Variants in PLPP4 observed in about 807,000 individuals in gnomAD.
The protein encoded by PLPP4 is phospholipid phosphatase 4.
In PLPP4, 20 loss-of-function variants were observed where a neutral mutation model predicts 32.2. The ratio of observed to expected loss-of-function variants is 0.62; its 90% CI spans 0.44 to 0.90. PLPP4 has a LOEUF of 0.90. Among genes scored for constraint, PLPP4 ranks in the 40% least tolerant of loss-of-function variants. The pLI, the probability that PLPP4 is intolerant of heterozygous loss-of-function variation, is 0.00. For missense variants in PLPP4, 257 were observed against 353.1 expected, an observed-to-expected ratio of 0.73 and a Z score of 2.18; for synonymous variants, 127 against 133.0, an observed-to-expected ratio of 0.95 and a Z score of 0.31.
intron 4 of PLPP4, among the ~76,000 whole-genome samples, chr10:120,520,519 C>T (rs548532766): frequency 3.9e-4 from 60 of 152,286 alleles, no homozygotes; most frequent in Non-Finnish European, 6.5e-4. Flanking sequence ...AACAATAGAG[C>T]GGTAGATCAA....
intron 5 of PLPP4, among the ~76,000 whole-genome samples, chr10:120,523,152 A>T (rs1415365563): frequency 4.6e-5 from 7 of 152,144 alleles, no homozygotes. Flanking sequence ...ACACAAAAAA[A>T]TTAGCTGGAC....
chr10:120,558,171 A>T (rs1461093054), intron 5 of PLPP4, among the ~76,000 whole-genome samples: 2 of 151,650 alleles, frequency 1.3e-5, no homozygotes, highest in African/African-American at 4.8e-5. Context: ...TGTGGCCATT[A>T]TCTTGAGATT....
chr10:120,578,915 T>C (rs3981109), intron 6 of PLPP4, among the ~76,000 whole-genome samples: 149,989 of 152,364 alleles, frequency 0.98, 73,879 homozygotes, highest in East Asian at 1. Context: ...CAAACAGGCT[T>C]ATCTTTGTGA....
At chr10:120,563,777 G>GCA (rs1485966621) in intron 5 of PLPP4, among the ~76,000 whole-genome samples, 107 of 109,868 alleles carry the variant, frequency 9.7e-4, no homozygotes, top group Middle Eastern at 0.01. Context: ...TCCGCAGTCC[G>GCA]GCCTGGGCGA....
Position 120,477,320 on chromosome 10 carries a change from C to T in PLPP4, c.56+19959C>T, listed in dbSNP as rs183262444. 2.9e-3 allele frequency among the ~76,000 whole-genome samples: 434 copies of T among 148,332 alleles called. 1 individual carries two copies. Among genetic ancestry groups the T allele is most frequent in the Middle Eastern group, 0.01 (3 of 286 alleles). On this transcript the variant is annotated intron_variant, in intron 1 of 6. Coordinates refer to ENST00000398250, the MANE Select transcript of PLPP4 (RefSeq NM_001030059.3). ...CTGCCTGAGGCTTTTCTTTTTCCTTCTCAGAGAATCTAAAGGTATGTCGAA... is the reference window on the plus strand; with the variant it reads ...CTGCCTGAGGCTTTTCTTTTTCCTTTTCAGAGAATCTAAAGGTATGTCGAA...
chr10:120,505,101 G>A (rs555338380), intron 2 of PLPP4, among the ~76,000 whole-genome samples: 6 of 152,242 alleles, frequency 3.9e-5, no homozygotes, highest in Non-Finnish European at 7.3e-5. Context: ...ATTCCACCCA[G>A]CATCCCAGTG....
Position 120,545,523 on chromosome 10 carries a change from T to C in PLPP4, c.445+24428T>C, listed in dbSNP as rs534865282. On this transcript the variant is annotated intron_variant, in intron 5 of 6. Coordinates refer to ENST00000398250, the MANE Select transcript of PLPP4 (RefSeq NM_001030059.3). ...TTGGCTCTTTCTCCTTCTCTTTGTG[T>C]CCCTCCAGCATTTGGGAAGCTAGGG... Among the ~76,000 whole-genome samples, 33 of 152,264 alleles carry C rather than the reference T, an allele frequency of 2.2e-4. 1 individual carries two copies. The South Asian group carries it at 4.2e-3, about 19-fold the overall frequency.
intron 1 of PLPP4, among the ~76,000 whole-genome samples, chr10:120,470,067 A>G (rs1422782895): frequency 6.6e-6 from 1 of 152,236 alleles, no homozygotes; most frequent in Non-Finnish European, 1.5e-5. Context: ...CCAAAGAGCT[A>G]CACATATTTA....
intron 5 of PLPP4, among the ~76,000 whole-genome samples, chr10:120,567,667 G>A (rs1483498486): frequency 6.6e-6 from 1 of 150,612 alleles, no homozygotes; most frequent in Non-Finnish European, 1.5e-5. Flanking sequence ...TCATGTTGTT[G>A]CTGTTTGTTT....
intron 2 of PLPP4, among the ~76,000 whole-genome samples, chr10:120,508,591 T>C (rs1471462236): frequency 2.0e-5 from 3 of 152,176 alleles, no homozygotes; most frequent in Non-Finnish European, 4.4e-5. Flanking sequence ...GCCCCGGCAG[T>C]GTGGTGCATG....
intron 5 of PLPP4, among the ~76,000 whole-genome samples, chr10:120,529,295 G>A (rs1399857934): frequency 6.6e-6 from 1 of 152,126 alleles, no homozygotes; most frequent in East Asian, 1.9e-4. Flanking sequence ...CAGCCCCTGT[G>A]GCAAAGAATT....
Position 120,471,800 on chromosome 10 carries a change from C to G in PLPP4, c.56+14439C>G, listed in dbSNP as rs190491062. On this transcript the variant is annotated intron_variant, in intron 1 of 6. Coordinates refer to ENST00000398250, the MANE Select transcript of PLPP4 (RefSeq NM_001030059.3). ...CCTTTTACTATTTGTTGCATGTGTT[C>G]TTTGTCTCTCTTTTTCTGTCTTCTT... 3.9e-5 allele frequency among the ~76,000 whole-genome samples: 6 copies of G among 151,962 alleles called. No individual in the cohort carries two copies. The East Asian group carries it at 1.2e-3, about 29-fold the overall frequency.
intron 5 of PLPP4, among the ~76,000 whole-genome samples, chr10:120,529,583 A>G (rs1053458062): frequency 7.2e-5 from 11 of 152,292 alleles, no homozygotes; most frequent in South Asian, 2.1e-4. Flanking sequence ...ATAGTGGCTC[A>G]TGTCTGTAAT....
chr10:120,508,257 T>C (rs1746128222), intron 2 of PLPP4, among the ~76,000 whole-genome samples: 1 of 151,990 alleles, frequency 6.6e-6, no homozygotes, highest in South Asian at 2.1e-4. Flanking sequence ...TTTTTAAGAG[T>C]CTTAGACAGC....
rs1204075313 is a variant in PLPP4 at position 120,590,153 on chromosome 10, G to A, written c.*651G>A. ...CATGAAGATGCATGAGTGCATGTGT[G>A]GGGGATGAGGTCACAGCAGTTGCCT... On this transcript the variant is annotated 3_prime_UTR_variant, in exon 7 of 7. Coordinates refer to ENST00000398250, the MANE Select transcript of PLPP4 (RefSeq NM_001030059.3). 4.6e-5 allele frequency among the ~76,000 whole-genome samples: 7 copies of A among 152,200 alleles called. No homozygotes were observed. Among genetic ancestry groups the A allele is most frequent in the Non-Finnish European group, 8.8e-5 (6 of 68,042 alleles).
chr10:120,528,843 A>G (rs1571098), intron 5 of PLPP4, among the ~76,000 whole-genome samples: 168 of 152,300 alleles, frequency 1.1e-3, no homozygotes, highest in Middle Eastern at 3.4e-3. Context: ...TTAGATTTTT[A>G]AAAAATAATT....
intron 6 of PLPP4, among the ~76,000 whole-genome samples, chr10:120,587,942 C>T (rs1370500619): frequency 6.6e-6 from 1 of 152,202 alleles, no homozygotes; most frequent in African/African-American, 2.4e-5. Context: ...GCCCGTGGGG[C>T]CTGCTGCATC....
At chr10:120,558,327 T>C (rs748946861) in intron 5 of PLPP4, among the ~76,000 whole-genome samples, 1 of 152,014 alleles carries the variant, frequency 6.6e-6, no homozygotes, top group Non-Finnish European at 1.5e-5. Context: ...TGTGATTTGC[T>C]AATTTTGCTC....
At chr10:120,507,539 AT>A (rs1845550917) in intron 2 of PLPP4, among the ~76,000 whole-genome samples, 2 of 152,232 alleles carry the variant, frequency 1.3e-5, no homozygotes, top group African/African-American at 2.4e-5. Context: ...AACTGAGGAA[AT>A]TATACAGCTT....
Sources: gnomAD v4.1 joint callset for allele counts (sites outside exome capture counted in the v4.1 genomes callset) on GRCh38, gnomAD v4.1.1 for gene constraint, MANE v1.5 for transcripts, NCBI Gene and HGNC (gene_info 2026-07-23, HGNC 2026-07-21) for gene names.